Variants in USH2A observed in about 807,000 individuals in gnomAD.
USH2A encodes usherin, also known as Usher syndrome 2A (autosomal recessive, mild).
USH2A carries 443 observed loss-of-function variants against 538.9 expected under a neutral mutation model. That is an observed-to-expected ratio of 0.82 (90% CI 0.76 to 0.89). USH2A has a LOEUF of 0.89. Ranked by LOEUF, USH2A falls within the 40% of genes least tolerant of loss-of-function variation. The probability of loss-of-function intolerance (pLI) is 0.00; values close to 1 mark genes in which losing one functional copy is unlikely to be tolerated. For missense variants in USH2A, 6,633 were observed against 6,324.8 expected (o/e 1.05, Z -1.65); for synonymous variants, 2,413 against 2,273.5 (o/e 1.06, Z -1.75).
chr1:216,244,385 A>G (rs1046191151), intron 13 of USH2A, among the ~76,000 whole-genome samples: 26 of 152,196 alleles, frequency 1.7e-4, no homozygotes, highest in African/African-American at 6.3e-4. Context: ...AATGATAAGC[A>G]AAATAAAACC....
At chr1:216,284,075 CTCTG>C (rs1275470689) in intron 11 of USH2A, among the ~76,000 whole-genome samples, 12 of 152,206 alleles carry the variant, frequency 7.9e-5, no homozygotes, top group African/African-American at 1.4e-4. Flanking sequence ...GTATCTCTCT[CTCTG>C]TCTTTCTCTC....
chr1:215,648,670 A>T lies in USH2A; in HGVS notation c.14440T>A (p.Cys4814Ser). 6.2e-7 allele frequency: 1 copy of T among 1,614,216 alleles called. No homozygotes were observed. Among genetic ancestry groups the T allele is most frequent in the Non-Finnish European group, 8.5e-7 (1 of 1,180,028 alleles). The part of the protein sequence containing the change: ...GVEACTCFNC[C>S]SKGPTAELRT... ...AGTTCAGCTGTCGGTCCTTTGCTGC[A>T]ACAGTTGAAGCAGGTGCAGGCCTCT... The change falls in exon 66 of 72, where the codon TGC becomes AGC. Residue 4814 changes from cysteine (C) to serine (S), a missense_variant. Transcript: ENST00000307340.
intron 12 of USH2A, among the ~76,000 whole-genome samples, chr1:216,250,410 T>G (rs1202895054): frequency 6.6e-6 from 1 of 152,186 alleles, no homozygotes; most frequent in Non-Finnish European, 1.5e-5. Context: ...TGACTTATTT[T>G]GCATTTCATA....
Position 216,159,571 on chromosome 1 carries a change from C to G in USH2A, c.4627+15681G>C, listed in dbSNP as rs189384596. On this transcript the variant is annotated intron_variant, in intron 21 of 71. Coordinates refer to ENST00000307340, the MANE Select transcript of USH2A (RefSeq NM_206933.4). ...ACACACACACACACACACACACACA[C>G]AGAGAATATTAGAATCTACTTTTGT... Among the ~76,000 whole-genome samples the G allele has an allele frequency of 9.3e-4, 135 of 145,240 alleles. No homozygotes were observed. In the Middle Eastern group the frequency reaches 0.011, roughly 12 times the overall value.
chr1:216,133,167 T>A (rs965888217), intron 21 of USH2A, among the ~76,000 whole-genome samples: 1 of 152,106 alleles, frequency 6.6e-6, no homozygotes, highest in Non-Finnish European at 1.5e-5. Flanking sequence ...TGCAACAATA[T>A]TAACAAAAAT....
chr1:216,298,285 A>G (rs2037144480), intron 9 of USH2A, among the ~76,000 whole-genome samples: 1 of 152,230 alleles, frequency 6.6e-6, no homozygotes, highest in Admixed American at 6.5e-5. Context: ...TATATTGCCT[A>G]CATGAGTTAG....
intron 50 of USH2A, among the ~76,000 whole-genome samples, chr1:215,793,342 AT>A (rs1662034655): frequency 6.6e-6 from 1 of 152,136 alleles, no homozygotes; most frequent in South Asian, 2.1e-4. Context: ...TGGGGACCAA[AT>A]TTTAAGCCAA....
chr1:216,333,638 T>C (rs1424726022), intron 4 of USH2A, among the ~76,000 whole-genome samples: 2 of 151,180 alleles, frequency 1.3e-5, no homozygotes, highest in African/African-American at 4.9e-5. Context: ...TAAATTCAAA[T>C]AGATCCACAC....
chr1:216,185,612 T>G (rs769980551), intron 20 of USH2A, among the ~76,000 whole-genome samples: 10 of 151,834 alleles, frequency 6.6e-5, no homozygotes, highest in Non-Finnish European at 1.3e-4. Context: ...TCCATTGGAG[T>G]TCATTGGAAT....
intron 14 of USH2A, among the ~76,000 whole-genome samples, chr1:216,228,271 G>A (rs923147418): frequency 2.0e-5 from 3 of 152,136 alleles, no homozygotes; most frequent in Non-Finnish European, 4.4e-5. Flanking sequence ...AGAGGCCAAA[G>A]AACTGCATCA....
chr1:216,288,538 T>G (rs2036933820), intron 11 of USH2A, among the ~76,000 whole-genome samples: 1 of 152,176 alleles, frequency 6.6e-6, no homozygotes, highest in Non-Finnish European at 1.5e-5. Flanking sequence ...TGGATTGTGG[T>G]TTATGCTCCT....
intron 35 of USH2A, among the ~76,000 whole-genome samples, chr1:215,990,983 G>A (rs893761389): frequency 6.6e-6 from 1 of 151,844 alleles, no homozygotes; most frequent in African/African-American, 2.4e-5. Flanking sequence ...GGATGGTCTC[G>A]ATCTCCTGAC....
intron 61 of USH2A, among the ~76,000 whole-genome samples, chr1:215,717,859 A>G (rs1341260839): frequency 1.3e-5 from 2 of 152,194 alleles, no homozygotes; most frequent in Non-Finnish European, 2.9e-5. Flanking sequence ...TACCCTGACA[A>G]TGGAGTGTTT....
intron 3 of USH2A, among the ~76,000 whole-genome samples, chr1:216,417,997 G>A (rs1313543928): frequency 2.0e-5 from 3 of 152,018 alleles, no homozygotes; most frequent in Non-Finnish European, 2.9e-5. Context: ...CATACAAACT[G>A]TGGTTGACAA....
chr1:215,881,373 C>G (rs1417259835), intron 41 of USH2A, among the ~76,000 whole-genome samples: 1 of 152,186 alleles, frequency 6.6e-6, no homozygotes, highest in Admixed American at 6.5e-5. Context: ...CTCCTGACCT[C>G]AGGTGATCCA....
chr1:215,718,028 C>A (rs1248166497), intron 61 of USH2A, among the ~76,000 whole-genome samples: 1 of 152,126 alleles, frequency 6.6e-6, no homozygotes. Context: ...AATTTAAACC[C>A]TCTGTGACAA....
chr1:215,799,961 C>G (rs1167131495), intron 49 of USH2A, among the ~76,000 whole-genome samples: 1 of 151,948 alleles, frequency 6.6e-6, no homozygotes, highest in Non-Finnish European at 1.5e-5. Context: ...TCACTGCACT[C>G]CAGCCTGGGC....
At chr1:215,675,984 T>C (rs1405711881) in intron 62 of USH2A, among the ~76,000 whole-genome samples, 1 of 152,154 alleles carries the variant, frequency 6.6e-6, no homozygotes, top group East Asian at 1.9e-4. Flanking sequence ...TTTATGGATA[T>C]GAACTGCTTC....
chr1:216,378,090 G>T (rs994837956), intron 3 of USH2A, among the ~76,000 whole-genome samples: 5 of 152,034 alleles, frequency 3.3e-5, no homozygotes, highest in African/African-American at 1.2e-4. Flanking sequence ...AAATTTCTTG[G>T]TGGGAGAAAC....
Sources: allele counts gnomAD v4.1 joint callset (sites outside exome capture counted in the v4.1 genomes callset), GRCh38; gene constraint gnomAD v4.1.1; transcripts MANE v1.5; gene names NCBI Gene and HGNC (gene_info 2026-07-23, HGNC 2026-07-21).